The following TMEM132D variants were observed in gnomAD, a reference collection of about 807,000 sequenced individuals.
TMEM132D encodes the protein transmembrane protein 132D.
Under a neutral mutation model 62.3 loss-of-function variants are expected in TMEM132D, and 21 were observed. The ratio of observed to expected loss-of-function variants is 0.34; its 90% CI spans 0.24 to 0.49. The LOEUF is 0.49. Ranked by LOEUF, TMEM132D falls within the 20% of genes least tolerant of loss-of-function variation. TMEM132D has a pLI of 0.99. For missense variants in TMEM132D, 1,346 were observed against 1,402.8 expected (o/e 0.96, Z 0.65); for synonymous variants, 621 against 575.6 (o/e 1.08, Z -1.13).
At chr12:129,319,751 C>A (rs971067889) in intron 4 of TMEM132D, among the ~76,000 whole-genome samples, 1 of 152,032 alleles carries the variant, frequency 6.6e-6, no homozygotes, top group Non-Finnish European at 1.5e-5. Flanking sequence ...GTCCCAGAAC[C>A]CTTGGTATTC....
In TMEM132D at chr12:129,699,895, T is replaced by C; in HGVS notation, c.883A>G (p.Ile295Val). Residue 295 changes from isoleucine (I) to valine (V), a missense_variant, in exon 2 of 9, where the codon ATA becomes GTA. Ile to Val is a conservative substitution (Grantham distance 29, BLOSUM62 3). Coordinates refer to ENST00000422113, the MANE Select transcript of TMEM132D (RefSeq NM_133448.3). ...TCTCCTTTCCTCACGGTCTTTGGTA[T>C]ATAGTGGATGGCCACGCTGTTGTCC... ...RLDNSVAIHYIPKTVRKGDVL... is the reference protein window; with the variant it reads ...RLDNSVAIHYVPKTVRKGDVL... The C allele has an allele frequency of 6.2e-7, 1 of 1,614,182 alleles. No individual in the cohort carries two copies. Among genetic ancestry groups the C allele is most frequent in the South Asian group, 1.1e-5 (1 of 91,086 alleles).
intron 3 of TMEM132D, among the ~76,000 whole-genome samples, chr12:129,351,139 G>GATA (rs1335474361): frequency 6.6e-6 from 1 of 152,136 alleles, no homozygotes; most frequent in Admixed American, 6.5e-5. Flanking sequence ...GGATGGTTAT[G>GATA]GGCTTGTGGA....
chr12:129,772,209 C>T (rs1302569828), intron 1 of TMEM132D, among the ~76,000 whole-genome samples: 1 of 152,126 alleles, frequency 6.6e-6, no homozygotes, highest in Middle Eastern at 3.2e-3. Context: ...AGCATAGCTG[C>T]AACAGAATTT....
At chr12:129,432,398 G>A (rs914474790) in intron 3 of TMEM132D, among the ~76,000 whole-genome samples, 2 of 152,160 alleles carry the variant, frequency 1.3e-5, no homozygotes, top group Non-Finnish European at 2.9e-5. Flanking sequence ...TATAATGTGA[G>A]CTCCACGAGA....
chr12:129,593,436 C>G (rs998371650), intron 2 of TMEM132D, among the ~76,000 whole-genome samples: 1 of 152,104 alleles, frequency 6.6e-6, no homozygotes, highest in African/African-American at 2.4e-5. Flanking sequence ...TTGGCTGGGT[C>G]CAAGTGTGTT....
chr12:129,212,698 T>C lies in TMEM132D; in HGVS notation c.1300-3035A>G, dbSNP rs1436825429. ...TCCCGTCAGTCAATCATAATCCTTA[T>C]TGTCACTTCATACACCCTTTCTGCT... On this transcript the variant is annotated intron_variant, in intron 4 of 8. Coordinates refer to ENST00000422113, the MANE Select transcript of TMEM132D (RefSeq NM_133448.3). The C allele has an allele frequency of 2.6e-5, 4 of 152,196 alleles. No homozygotes were observed. The East Asian group carries it at 7.7e-4, about 29-fold the overall frequency. 9.4% of individuals were successfully genotyped at this position (152,196 alleles called of 1,614,324 possible).
At chr12:129,520,484 T>C (rs992699355) in intron 3 of TMEM132D, among the ~76,000 whole-genome samples, 1 of 152,224 alleles carries the variant, frequency 6.6e-6, no homozygotes, top group African/African-American at 2.4e-5. Flanking sequence ...AGTTTTTCCA[T>C]TTTTATAACT....
intron 2 of TMEM132D, among the ~76,000 whole-genome samples, chr12:129,634,312 TAA>T (rs11310650): frequency 1.8e-4 from 27 of 147,984 alleles, no homozygotes; most frequent in Admixed American, 1.2e-3. Context: ...GTCTATACGT[TAA>T]AAAAAAAAAA....
intron 3 of TMEM132D, among the ~76,000 whole-genome samples, chr12:129,507,302 A>C (rs1438350089): frequency 6.6e-6 from 1 of 152,194 alleles, no homozygotes; most frequent in East Asian, 1.9e-4. Context: ...AAAAGTGTGG[A>C]GATTCCTTAA....
chr12:129,692,092 T>C (rs1881076802), intron 2 of TMEM132D, among the ~76,000 whole-genome samples: 1 of 152,108 alleles, frequency 6.6e-6, no homozygotes, highest in South Asian at 2.1e-4. Context: ...GAAGATGTTC[T>C]AACCGTATTA....
intron 4 of TMEM132D, among the ~76,000 whole-genome samples, chr12:129,214,865 G>A (rs1593298805): frequency 6.6e-6 from 1 of 152,312 alleles, no homozygotes; most frequent in African/African-American, 2.4e-5. Flanking sequence ...GTGGGTAGGA[G>A]TGTAAATTAG....
chr12:129,470,672 T>C (rs554451040), intron 3 of TMEM132D, among the ~76,000 whole-genome samples: 116 of 152,348 alleles, frequency 7.6e-4, no homozygotes, highest in Non-Finnish European at 1.4e-3. Flanking sequence ...TCATGTCTCA[T>C]GACAACATGA....
chr12:129,390,001 C>A (rs1037657276), intron 3 of TMEM132D, among the ~76,000 whole-genome samples: 1 of 152,186 alleles, frequency 6.6e-6, no homozygotes, highest in African/African-American at 2.4e-5. Context: ...TGTGATATGG[C>A]CGTTCCTGTC....
intron 3 of TMEM132D, among the ~76,000 whole-genome samples, chr12:129,382,779 C>T (rs1360253410): frequency 1.3e-5 from 2 of 151,952 alleles, no homozygotes; most frequent in Non-Finnish European, 2.9e-5. Context: ...ATGTTTAGAC[C>T]CCAATCTATT....
intron 1 of TMEM132D, among the ~76,000 whole-genome samples, chr12:129,874,430 CATAA>C (rs1456833086): frequency 6.6e-6 from 1 of 151,876 alleles, no homozygotes; most frequent in African/African-American, 2.4e-5. Flanking sequence ...AAATAAAATA[CATAA>C]ATAAATTATT....
intron 2 of TMEM132D, among the ~76,000 whole-genome samples, chr12:129,560,645 A>G (rs1877195187): frequency 6.6e-6 from 1 of 152,190 alleles, no homozygotes; most frequent in African/African-American, 2.4e-5. Flanking sequence ...CTTAACACCC[A>G]GGTAGGAATA....
chr12:129,181,502 C>T (rs1462592883), intron 5 of TMEM132D, among the ~76,000 whole-genome samples: 1 of 152,148 alleles, frequency 6.6e-6, no homozygotes, highest in Non-Finnish European at 1.5e-5. Context: ...TTCAGTGGCT[C>T]CCCCAGTCCT....
chr12:129,626,154 G>A (rs1411368205), intron 2 of TMEM132D, among the ~76,000 whole-genome samples: 1 of 152,032 alleles, frequency 6.6e-6, no homozygotes, highest in African/African-American at 2.4e-5. Flanking sequence ...AGCTCAGCAG[G>A]TTCTTCTCTG....
intron 2 of TMEM132D, among the ~76,000 whole-genome samples, chr12:129,673,134 T>C (rs1880540062): frequency 6.6e-6 from 1 of 150,440 alleles, no homozygotes; most frequent in Non-Finnish European, 1.5e-5. Context: ...CCCAAAACTC[T>C]CTCATGCTTT....
Sources: allele counts gnomAD v4.1 joint callset (sites outside exome capture counted in the v4.1 genomes callset), GRCh38; gene constraint gnomAD v4.1.1; transcripts MANE v1.5; gene names NCBI Gene and HGNC (gene_info 2026-07-23, HGNC 2026-07-21).